CTDP1: variants seen among roughly 807,000 people sequenced by gnomAD.
The protein encoded by CTDP1 is RNA polymerase II subunit A C-terminal domain phosphatase.
A neutral mutation model predicts 91.8 loss-of-function variants in CTDP1; 47 were observed. The observed-to-expected ratio is 0.51, with a 90% CI of 0.41 to 0.65. CTDP1 has a LOEUF of 0.65. Among genes scored for constraint, CTDP1 ranks in the 30% least tolerant of loss-of-function variants. The pLI, the probability that CTDP1 is intolerant of heterozygous loss-of-function variation, is 0.00. For synonymous variants in CTDP1, 656 were observed against 598.5 expected, an observed-to-expected ratio of 1.10 and a Z score of -1.40; for missense variants, 1,272 against 1,373.7, an observed-to-expected ratio of 0.93 and a Z score of 1.17.
chr18:79,695,479 G>A (rs2085727826), intron 2 of CTDP1, among the ~76,000 whole-genome samples, 171 bp downstream of exon 2: 1 of 152,224 alleles, frequency 6.6e-6, no homozygotes, highest in Non-Finnish European at 1.5e-5. Flanking sequence ...TTCCCTGGAG[G>A]CAGTCCTTCC....
chr18:79,702,821 C>A (rs1055319839), intron 4 of CTDP1: 4 of 152,240 alleles, frequency 2.6e-5, no homozygotes, highest in Non-Finnish European at 5.9e-5. Context: ...TTCTCAGTAT[C>A]TCCAGGATAG....
intron 10 of CTDP1, among the ~76,000 whole-genome samples, chr18:79,718,286 G>C (rs541282520): frequency 6.6e-6 from 1 of 152,146 alleles, no homozygotes; most frequent in Admixed American, 6.5e-5. Flanking sequence ...GTGCCCACCT[G>C]TGGCCGCCCC....
chr18:79,716,321 A>G (rs1029636839), intron 8 of CTDP1, among the ~76,000 whole-genome samples: 3 of 152,254 alleles, frequency 2.0e-5, no homozygotes, highest in Non-Finnish European at 4.4e-5. Flanking sequence ...CCCTGACAGC[A>G]GGTGTGGTCT....
Position 79,715,386 on chromosome 18 carries a change from T to C in CTDP1, c.1926T>C (p.Ser642=), listed in dbSNP as rs907197199. The change falls in exon 8 of 13, where the codon AGT becomes AGC. Residue 642 remains serine, a synonymous_variant. Transcript: ENST00000613122. The stretch of plus-strand genomic sequence containing the variant: ...TGGCAGACGTGGCCATAATTTTCAG[T>C]GGGCTACACCCGACAAACTTCCCGA... ...KVLADVAIIF[S]GLHPTNFPIE... 4 of 1,606,638 alleles carry C rather than the reference T, an allele frequency of 2.5e-6. No homozygotes were observed. The highest frequency in any genetic ancestry group is 3.4e-6 in the Non-Finnish European group (4 of 1,176,526).
At chr18:79,721,815 A>G (rs2086349968) in intron 10 of CTDP1, among the ~76,000 whole-genome samples, 1 of 150,290 alleles carries the variant, frequency 6.7e-6, no homozygotes, top group Non-Finnish European at 1.5e-5. Flanking sequence ...TTTTTTCTTC[A>G]GTATTTTTAT....
intron 1 of CTDP1, among the ~76,000 whole-genome samples, chr18:79,690,462 T>C (rs2085597518): frequency 6.6e-6 from 1 of 152,218 alleles, no homozygotes; most frequent in African/African-American, 2.4e-5. Context: ...TGTTTTTACG[T>C]TTGTGTATCC....
At chr18:79,734,721 G>A (rs2086632845) in intron 11 of CTDP1, among the ~76,000 whole-genome samples, 1 of 152,220 alleles carries the variant, frequency 6.6e-6, no homozygotes, top group Admixed American at 6.5e-5. Context: ...CGTGTTAAAG[G>A]CCCTAAGTAT....
intron 12 of CTDP1, among the ~76,000 whole-genome samples, chr18:79,746,223 C>T (rs532708919): frequency 2.4e-5 from 1 of 42,132 alleles, no homozygotes; most frequent in South Asian, 9.9e-4. Context: ...CCGCGTCCCT[C>T]CCGTGCGCGT....
chr18:79,744,706 G>C (rs978450457), intron 12 of CTDP1, among the ~76,000 whole-genome samples: 1 of 152,204 alleles, frequency 6.6e-6, no homozygotes, highest in Non-Finnish European at 1.5e-5. Context: ...ATGTGCACCG[G>C]AAGTGAGAAC....
rs146187493 is a variant in CTDP1, at chr18:79,701,529, TTAAATAAATAAATAAA to T, written c.622-3209_622-3194del. On this transcript the variant is annotated intron_variant, in intron 4 of 12. Transcript: ENST00000613122. ...CATCTCAAAAAAAATAATAAATAAATTAAATAAATAAATAAATAAATAAATAAATAAATAAATAAAT... is the reference window on the plus strand; with the variant it reads ...CATCTCAAAAAAAATAATAAATAAATTAAATAAATAAATAAATAAATAAAT... Among the ~76,000 whole-genome samples, 1,073 of 143,402 alleles carry T rather than the reference TTAAATAAATAAATAAA, an allele frequency of 7.5e-3. 6 individuals are homozygous for T. Among genetic ancestry groups the T allele is most frequent in the African/African-American group, 0.012 (472 of 38,780 alleles). 94.1% of individuals were successfully genotyped at this position (143,402 alleles called of 152,430 possible).
rs567307456 is a variant in CTDP1 at position 79,739,836 on chromosome 18, G to A, written c.2747+3315G>A. ...GGGTGGGACTCTCATACCCACGGCC[G>A]GGACGGGTGGGACTCTCATACCCAC... On this transcript the variant is annotated intron_variant, in intron 12 of 12. Coordinates refer to ENST00000613122, the MANE Select transcript of CTDP1 (RefSeq NM_004715.5). 6.2e-3 allele frequency among the ~76,000 whole-genome samples: 679 copies of A among 110,024 alleles called. 7 individuals are homozygous for A. The highest frequency in any genetic ancestry group is 0.016 in the African/African-American group (455 of 29,014). The allele number at this position is 110,024 out of a possible 152,430, so 72.2% of individuals were successfully genotyped here. A position where few individuals can be genotyped will look rare whatever the true frequency, so the allele number is the denominator to read the frequency against.
intron 5 of CTDP1, among the ~76,000 whole-genome samples, chr18:79,707,672 C>T (rs922852138): frequency 2.6e-5 from 4 of 152,180 alleles, no homozygotes; most frequent in Non-Finnish European, 5.9e-5. Flanking sequence ...GAACATGGGC[C>T]CTCGAGCCCA....
At chr18:79,720,203 T>C (rs552267411) in intron 10 of CTDP1, among the ~76,000 whole-genome samples, 1 of 147,756 alleles carries the variant, frequency 6.8e-6, no homozygotes, top group Admixed American at 6.7e-5. Context: ...TCTCCTGTCG[T>C]TAGGAAGGCG....
chr18:79,681,847 G>T (rs1173511192), intron 1 of CTDP1, among the ~76,000 whole-genome samples: 1 of 152,172 alleles, frequency 6.6e-6, no homozygotes, highest in Non-Finnish European at 1.5e-5. Flanking sequence ...AGCCACAGAC[G>T]GTGCTGCCTG....
intron 1 of CTDP1, among the ~76,000 whole-genome samples, chr18:79,692,427 A>C (rs925258985): frequency 6.6e-6 from 1 of 152,168 alleles, no homozygotes; most frequent in Non-Finnish European, 1.5e-5. Flanking sequence ...TTATTTTTGA[A>C]AATTGAGATT....
chr18:79,695,942 A>G (rs1256842632), intron 2 of CTDP1, 35 bp from the exon 3 acceptor site: 2 of 1,576,000 alleles, frequency 1.3e-6, no homozygotes, highest in East Asian at 2.2e-5. Flanking sequence ...GCAGAGACTC[A>G]GCTGAAAGCC....
chr18:79,729,638 C>T (rs1043005914), intron 11 of CTDP1, among the ~76,000 whole-genome samples: 4 of 152,248 alleles, frequency 2.6e-5, no homozygotes, highest in East Asian at 1.9e-4. Context: ...TGCTTGGCCC[C>T]TGTGTCCTGG....
In CTDP1 at chr18:79,745,028, G is replaced by A. The variant is rs556228045; in HGVS notation, c.2747+8507G>A. 2.1e-4 allele frequency among the ~76,000 whole-genome samples: 32 copies of A among 152,316 alleles called. No homozygotes were observed. The South Asian group carries it at 6.2e-3, about 30-fold the overall frequency. On this transcript the variant is annotated intron_variant, in intron 12 of 12. Transcript: ENST00000613122. ...CATGGCCAGCTGGCTCTCAGCAGGG[G>A]TACCAGGCCACTCCATGGGAAAGAC...
At chr18:79,700,163 A>T (rs1220915497) in intron 4 of CTDP1, among the ~76,000 whole-genome samples, 2 of 152,192 alleles carry the variant, frequency 1.3e-5, no homozygotes, top group Middle Eastern at 3.2e-3. Context: ...TATTGAAATT[A>T]GGCCAGCGTA....
Sources: gnomAD v4.1 joint callset for allele counts (sites outside exome capture counted in the v4.1 genomes callset) on GRCh38, gnomAD v4.1.1 for gene constraint, MANE v1.5 for transcripts, NCBI Gene and HGNC (gene_info 2026-07-23, HGNC 2026-07-21) for gene names.